ZNF460: variants seen among roughly 807,000 people sequenced by gnomAD.
The protein encoded by ZNF460 is zinc finger protein 272.
Under a neutral mutation model 8.4 loss-of-function variants are expected in ZNF460, and 1 was observed. The ratio of observed to expected loss-of-function variants is 0.12; its 90% CI spans 0.04 to 0.56. ZNF460 has a LOEUF of 0.56. Ranked by LOEUF, ZNF460 falls within the 20% of genes least tolerant of loss-of-function variation. ZNF460 has a pLI of 0.91. For missense variants in ZNF460, 477 were observed against 714.8 expected (o/e 0.67, Z 3.79); for synonymous variants, 262 against 259.9 (o/e 1.01, Z -0.08).
chr19:57,286,309 G>A (rs1247341069), intron 2 of ZNF460, among the ~76,000 whole-genome samples: 3 of 152,026 alleles, frequency 2.0e-5, no homozygotes, highest in East Asian at 1.9e-4. Flanking sequence ...GGTGGTCTGC[G>A]ATCAGTGGTG....
At position 57,280,781 on chromosome 19, in the gene ZNF460, G is replaced by T. The variant is rs1010484031; in HGVS notation, c.-26G>T. 7 of 1,613,782 alleles carry T rather than the reference G, an allele frequency of 4.3e-6. No individual in the cohort carries two copies. Among genetic ancestry groups the T allele is most frequent in the Non-Finnish European group, 3.4e-6 (4 of 1,179,906 alleles). ...CCGCCCAGGACAGAGAAGGGCTGTG[G>T]TCGGCTGATCCGCGGCATTCCCGGG... On this transcript the variant is annotated 5_prime_UTR_variant, in exon 1 of 3. Transcript: ENST00000360338.
intron 2 of ZNF460, 139 bp from the exon 3 acceptor site, chr19:57,290,560 G>T (rs1435916579): frequency 4.7e-6 from 4 of 853,908 alleles, no homozygotes; most frequent in Admixed American, 5.9e-5. Context: ...TTACAGGGAT[G>T]AGCCACTGTA....
At chr19:57,284,230 TA>T (rs2087863017) in intron 1 of ZNF460, among the ~76,000 whole-genome samples, 1 of 151,694 alleles carries the variant, frequency 6.6e-6, no homozygotes, top group Non-Finnish European at 1.5e-5. Flanking sequence ...TTTATTTATT[TA>T]TTTATTTTTT....
At chr19:57,284,926 C>G (rs1568499167) in intron 2 of ZNF460, among the ~76,000 whole-genome samples, 1 of 151,524 alleles carries the variant, frequency 6.6e-6, no homozygotes, top group East Asian at 1.9e-4. Flanking sequence ...AAGTGATTCT[C>G]CTGCCTCAGC....
At position 57,291,416 on chromosome 19, in the gene ZNF460, G is replaced by A. The variant is rs201802385; in HGVS notation, c.875G>A (p.Arg292His). The part of the protein sequence containing the change: ...CNECGKAFTY[R>H]SNFVLHNKSH... ...GAATGTGGAAAGGCCTTTACCTACC[G>A]CTCCAATTTTGTCTTGCATAACAAG... is the stretch of plus-strand genomic sequence containing the variant. Residue 292 changes from arginine to histidine, a missense_variant, in exon 3 of 3, where the codon CGC (arginine) becomes CAC (histidine). Physicochemically the swap from Arg to His is conservative, Grantham distance 29. Coordinates refer to ENST00000360338, the MANE Select transcript of ZNF460 (RefSeq NM_006635.4). The surrounding 1 kb of genome is among the most constrained non-coding windows in gnomAD (Gnocchi z 8.4). The A allele has an allele frequency of 2.1e-4, 337 of 1,613,762 alleles. 1 individual carries two copies. Among genetic ancestry groups the A allele is most frequent in the Admixed American group, 1.5e-3 (87 of 59,982 alleles).
At chr19:57,289,267 G>A (rs929362588) in intron 2 of ZNF460, among the ~76,000 whole-genome samples, 2 of 152,144 alleles carry the variant, frequency 1.3e-5, no homozygotes, top group African/African-American at 4.8e-5. Context: ...TGTCCTAAGA[G>A]TAGCTGTGGC....
At chr19:57,287,706 A>C (rs930317927) in intron 2 of ZNF460, among the ~76,000 whole-genome samples, 2 of 152,182 alleles carry the variant, frequency 1.3e-5, no homozygotes, top group Non-Finnish European at 2.9e-5. Context: ...GAAAGTTTCC[A>C]TTGCTCCACA....
At chr19:57,290,669 A>C in intron 2 of ZNF460, 30 bp from the exon 3 acceptor site, 1 of 1,575,144 alleles carries the variant, frequency 6.3e-7, no homozygotes, top group African/African-American at 1.4e-5. Context: ...CTATCTTAAT[A>C]AGTTCTTTTG....
chr19:57,290,965 A>G lies in ZNF460; in HGVS notation c.424A>G (p.Asn142Asp), dbSNP rs962651238. 2 of 1,614,136 alleles carry G rather than the reference A, an allele frequency of 1.2e-6. No homozygotes were observed. The highest frequency in any genetic ancestry group is 1.7e-6 in the Non-Finnish European group (2 of 1,180,058). ...TGGTATTTGTTCAATGATGATACAGAACCAAGTCTCACCAGAAGATGCTCT... is the reference window on the plus strand; with the variant it reads ...TGGTATTTGTTCAATGATGATACAGGACCAAGTCTCACCAGAAGATGCTCT... ...ADGICSMMIQ[N>D]QVSPEDALYG... is the part of the protein sequence containing the mutation. The change falls in exon 3 of 3, where the codon AAC becomes GAC. Residue 142 changes from asparagine (N) to aspartate (D), a missense_variant. Asn to Asp is a conservative substitution (Grantham distance 23, BLOSUM62 1). Around this residue, in one of 5 missense-constraint regions of ZNF460, gnomAD observed 169 missense variants for 178.6 expected, o/e 0.95. Coordinates refer to ENST00000360338, the MANE Select transcript of ZNF460 (RefSeq NM_006635.4).
At chr19:57,286,929 A>G (rs939230538) in intron 2 of ZNF460, among the ~76,000 whole-genome samples, 4 of 148,382 alleles carry the variant, frequency 2.7e-5, no homozygotes, top group Admixed American at 1.4e-4. Context: ...GTGCCACTGC[A>G]CTCCAGTCTG....
rs1568497776 is a variant in ZNF460, at chr19:57,280,822, A to ATGGCTCCGGCGCAGG, written c.19_30+3dup. 6.2e-7 allele frequency: 1 copy of ATGGCTCCGGCGCAGG among 1,614,094 alleles called. No homozygotes were observed. The highest frequency in any genetic ancestry group is 2.2e-5 in the East Asian group (1 of 44,866). The stretch of plus-strand genomic sequence containing the variant: ...CATTCCCGGGATGGCGGCGGCGTGG[A>ATGGCTCCGGCGCAGG]TGGCTCCGGCGCAGGTGAGTGGACG... On this transcript the variant is annotated inframe_insertion, in exon 1 of 3. Coordinates refer to ENST00000360338, the MANE Select transcript of ZNF460 (RefSeq NM_006635.4).
chr19:57,291,056 A>C lies in ZNF460; in HGVS notation c.515A>C (p.Lys172Thr). 1.9e-6 allele frequency: 3 copies of C among 1,614,184 alleles called. No individual in the cohort carries two copies. The highest frequency in any genetic ancestry group is 2.5e-6 in the Non-Finnish European group (3 of 1,180,024). The change falls in exon 3 of 3, where the codon AAA (lysine) becomes ACA (threonine). Residue 172 changes from lysine to threonine, a missense_variant. By Grantham distance (78) the Lys-to-Thr change is moderately conservative. This residue lies in a region of ZNF460 where 169 missense variants were observed against 178.6 expected (regional missense o/e 0.95). Transcript: ENST00000360338. The surrounding 1 kb of genome is among the most constrained non-coding windows in gnomAD (Gnocchi z 8.4). ...SLIHEGENSY[K>T]FEEMFNENCF... Reference sequence around the variant, plus strand: ...ATTCATGAAGGGGAAAATTCCTATAAATTCGAGGAAATGTTTAATGAGAAT... The same window carrying C: ...ATTCATGAAGGGGAAAATTCCTATACATTCGAGGAAATGTTTAATGAGAAT...
Position 57,280,693 on chromosome 19 carries a change from C to A in ZNF460, c.-114C>A. 1 of 1,482,818 alleles carries A rather than the reference C, an allele frequency of 6.7e-7. No individual in the cohort carries two copies. The highest frequency in any genetic ancestry group is 9.2e-7 in the Non-Finnish European group (1 of 1,089,950). The allele number at this position is 1,482,818 out of a possible 1,614,324, so 91.9% of individuals were successfully genotyped here. A position where few individuals can be genotyped will look rare whatever the true frequency, so the allele number is the denominator to read the frequency against. ...TCAGCCCCGACGCTGCGCCTTGGGCCTTGTGCGCATTTTTTTCGGGGGAAA... is the reference window on the plus strand; with the variant it reads ...TCAGCCCCGACGCTGCGCCTTGGGCATTGTGCGCATTTTTTTCGGGGGAAA... On this transcript the variant is annotated 5_prime_UTR_variant, in exon 1 of 3. Transcript: ENST00000360338.
In ZNF460 at chr19:57,290,692, C is replaced by T. The variant is rs371184293; in HGVS notation, c.158-7C>T. The T allele has an allele frequency of 5.0e-6, 8 of 1,605,672 alleles. No individual in the cohort carries two copies. Among genetic ancestry groups the T allele is most frequent in the Non-Finnish European group, 6.0e-6 (7 of 1,175,700 alleles). The stretch of plus-strand genomic sequence containing the variant: ...ATAAGTTCTTTTGTGTATTGTGTTC[C>T]CTTCAGGTGACAGCACAAAACCTGA... On this transcript the variant is annotated splice_region_variant and splice_polypyrimidine_tract_variant and intron_variant, in intron 2 of 2. Coordinates refer to ENST00000360338, the MANE Select transcript of ZNF460 (RefSeq NM_006635.4).
chr19:57,284,748 C>T, intron 2 of ZNF460, 71 bp downstream of exon 2: 1 of 1,475,450 alleles, frequency 6.8e-7, no homozygotes, highest in Non-Finnish European at 9.0e-7. Flanking sequence ...TTCATCCTGG[C>T]TCCAGGCCTG....
chr19:57,292,303 A>G lies in ZNF460; in HGVS notation c.*73A>G. On this transcript the variant is annotated 3_prime_UTR_variant, in exon 3 of 3. Transcript: ENST00000360338. ...TTCCTATTAGCGAAATAGTTTTTTA[A>G]TATAACCACTGAAGAAAATCTGTGG... 2.8e-6 allele frequency: 4 copies of G among 1,450,312 alleles called. No individual in the cohort carries two copies. Among genetic ancestry groups the G allele is most frequent in the Non-Finnish European group, 3.7e-6 (4 of 1,075,826 alleles). 89.8% of individuals were successfully genotyped at this position (1,450,312 alleles called of 1,614,324 possible). A position where few individuals can be genotyped will look rare whatever the true frequency, so the allele number is the denominator to read the frequency against.
rs2087923930 is a variant in ZNF460 at position 57,292,229 on chromosome 19, A to G, written c.1688A>G (p.Ter563=). Residue 563 remains the stop codon, a stop_retained_variant, in exon 3 of 3, where the codon TAA becomes TGA. Transcript: ENST00000360338. ...ATAGTGGAAGAAACCCTACCATTGT[A>G]ACAGATGTGGAAAGACTTTTTACGT... is the stretch of plus-strand genomic sequence containing the variant. ...GFIVEETLPL[*] is the part of the protein sequence containing the mutation. 2 of 1,607,402 alleles carry G rather than the reference A, an allele frequency of 1.2e-6. No individual in the cohort carries two copies. The highest frequency in any genetic ancestry group is 2.2e-5 in the East Asian group (1 of 44,694).
At chr19:57,288,582 T>A (rs2122891820) in intron 2 of ZNF460, among the ~76,000 whole-genome samples, 1 of 152,294 alleles carries the variant, frequency 6.6e-6, no homozygotes, top group African/African-American at 2.4e-5. Flanking sequence ...GAGACTAGGA[T>A]CAACTAAATC....
At chr19:57,285,794 A>T (rs1473460317) in intron 2 of ZNF460, among the ~76,000 whole-genome samples, 1 of 152,110 alleles carries the variant, frequency 6.6e-6, no homozygotes, top group East Asian at 1.9e-4. Flanking sequence ...CTGTTCCCTT[A>T]GGATTGAGTT....
Sources: gnomAD v4.1 joint callset for allele counts (sites outside exome capture counted in the v4.1 genomes callset) on GRCh38, gnomAD v4.1.1 for gene constraint, gnomAD v4.1.1 regional missense constraint, Gnocchi (gnomAD v3.1) non-coding constraint, MANE v1.5 for transcripts, NCBI Gene and HGNC (gene_info 2026-07-23, HGNC 2026-07-21) for gene names.